Variants in NCALD observed in about 807,000 individuals in gnomAD.
NCALD encodes neurocalcin delta, also known as neurocalcin-delta.
In NCALD, 10 loss-of-function variants were observed where a neutral mutation model predicts 18.6. The observed-to-expected ratio is 0.54, with a 90% CI of 0.33 to 0.91. The LOEUF is 0.91. Ranked by LOEUF, NCALD falls within the 40% of genes least tolerant of loss-of-function variation. The probability of loss-of-function intolerance (pLI) is 0.03; values close to 1 mark genes in which losing one functional copy is unlikely to be tolerated. For synonymous variants in NCALD, 88 were observed against 87.4 expected, an observed-to-expected ratio of 1.01 and a Z score of -0.04; for missense variants, 184 against 247.6, an observed-to-expected ratio of 0.74 and a Z score of 1.72.
At chr8:101,735,102 G>A (rs1817016978) in intron 1 of NCALD, among the ~76,000 whole-genome samples, 2 of 152,060 alleles carry the variant, frequency 1.3e-5, no homozygotes, top group African/African-American at 2.4e-5. Context: ...TGGATGTTGG[G>A]GTGGAAAGCA....
chr8:101,806,247 C>G (rs181222963), intron 4 of NCALD, among the ~76,000 whole-genome samples: 39 of 152,052 alleles, frequency 2.6e-4, no homozygotes, highest in East Asian at 2.1e-3. Context: ...ATCAGAATCC[C>G]AAATTCCTAT....
intron 4 of NCALD, among the ~76,000 whole-genome samples, chr8:101,814,782 T>A (rs1411911187): frequency 6.6e-6 from 1 of 152,106 alleles, no homozygotes; most frequent in Non-Finnish European, 1.5e-5. Context: ...AGTTAATTAC[T>A]TTTTTATATA....
At chr8:101,910,303 A>T (rs543178623) in intron 3 of NCALD, among the ~76,000 whole-genome samples, 6 of 152,108 alleles carry the variant, frequency 3.9e-5, no homozygotes, top group Non-Finnish European at 8.8e-5. Flanking sequence ...GACTTGAGGA[A>T]ACAGTGTTTT....
chr8:101,957,373 C>T (rs77124244), intron 2 of NCALD, among the ~76,000 whole-genome samples: 2 of 148,372 alleles, frequency 1.3e-5, no homozygotes, highest in South Asian at 2.1e-4. Context: ...AGTTGCCCTC[C>T]GCAGCCAAAG....
chr8:101,949,099 T>A (rs1819289367), intron 2 of NCALD, among the ~76,000 whole-genome samples: 1 of 152,226 alleles, frequency 6.6e-6, no homozygotes, highest in African/African-American at 2.4e-5. Context: ...AACTGCTTAC[T>A]ACCTACCCAC....
intron 1 of NCALD, among the ~76,000 whole-genome samples, chr8:102,070,608 G>T (rs1824151247): frequency 6.6e-6 from 1 of 152,140 alleles, no homozygotes; most frequent in South Asian, 2.1e-4. Flanking sequence ...AGCTTGCAAA[G>T]AAACAATGGA....
intron 2 of NCALD, among the ~76,000 whole-genome samples, chr8:101,933,223 T>C (rs512433): frequency 0.21 from 32,651 of 152,090 alleles, 4,057 homozygotes; most frequent in African/African-American, 0.34. Flanking sequence ...AAAAGGGACA[T>C]TGCAGATGTG....
chr8:101,699,059 G>A (rs1451790195), intron 2 of NCALD, among the ~76,000 whole-genome samples: 1 of 131,504 alleles, frequency 7.6e-6, no homozygotes, highest in East Asian at 2.2e-4. Flanking sequence ...AATCTACAAG[G>A]AACTTAAACA....
intron 4 of NCALD, among the ~76,000 whole-genome samples, chr8:101,813,145 T>C (rs984325896): frequency 2.0e-5 from 3 of 152,014 alleles, no homozygotes; most frequent in Admixed American, 6.6e-5. Flanking sequence ...ATTTAATAAA[T>C]AATGAGTGAT....
intron 1 of NCALD, among the ~76,000 whole-genome samples, chr8:101,768,889 G>A (rs1486310192): frequency 6.6e-6 from 1 of 152,158 alleles, no homozygotes; most frequent in Non-Finnish European, 1.5e-5. Flanking sequence ...GCTTTGCAGG[G>A]AAAAAGGGAT....
At chr8:101,765,371 C>G (rs1226440672) in intron 1 of NCALD, among the ~76,000 whole-genome samples, 1 of 152,154 alleles carries the variant, frequency 6.6e-6, no homozygotes, top group African/African-American at 2.4e-5. Flanking sequence ...AGAGAGAATG[C>G]CTTGGGAAGG....
chr8:102,067,535 T>C (rs746343383), intron 1 of NCALD, among the ~76,000 whole-genome samples: 8 of 152,166 alleles, frequency 5.3e-5, no homozygotes, highest in Non-Finnish European at 1.0e-4. Context: ...GAGAATCTAG[T>C]AAAGCACCAG....
chr8:101,899,376 G>A (rs752341898), intron 3 of NCALD, among the ~76,000 whole-genome samples: 7 of 151,718 alleles, frequency 4.6e-5, no homozygotes, highest in Non-Finnish European at 8.8e-5. Context: ...TTTCTGATTT[G>A]TATGGATTTT....
intron 2 of NCALD, among the ~76,000 whole-genome samples, chr8:101,980,570 G>A (rs193028903): frequency 6.6e-6 from 1 of 152,272 alleles, no homozygotes; most frequent in East Asian, 1.9e-4. Flanking sequence ...CAAAAGGACT[G>A]GGGAAGAAAA....
chr8:101,918,116 T>C (rs1186935019), intron 2 of NCALD, among the ~76,000 whole-genome samples: 8 of 152,108 alleles, frequency 5.3e-5, no homozygotes, highest in South Asian at 2.1e-4. Context: ...CAACAGCACA[T>C]CAAAAAGTTA....
chr8:101,865,226 T>C (rs1815720649), intron 4 of NCALD, among the ~76,000 whole-genome samples: 1 of 152,236 alleles, frequency 6.6e-6, no homozygotes. Context: ...ATCATTATTC[T>C]CAATCAATTT....
At chr8:102,060,074 A>G (rs905726368) in intron 1 of NCALD, among the ~76,000 whole-genome samples, 4 of 152,096 alleles carry the variant, frequency 2.6e-5, no homozygotes, top group Admixed American at 1.3e-4. Flanking sequence ...TTCGCCTCCC[A>G]GGTTCAAGCG....
At chr8:101,723,589 T>C (rs1816454609) in intron 1 of NCALD, among the ~76,000 whole-genome samples, 2 of 152,054 alleles carry the variant, frequency 1.3e-5, no homozygotes, top group South Asian at 4.1e-4. Context: ...GACTAACCAA[T>C]AAAAAAAGGA....
chr8:101,831,755 C>G (rs934115244), intron 4 of NCALD, among the ~76,000 whole-genome samples: 2 of 152,050 alleles, frequency 1.3e-5, no homozygotes, highest in African/African-American at 2.4e-5. Flanking sequence ...AGATCAGAAC[C>G]ACCCTGTGCT....
Sources: allele counts gnomAD v4.1 joint callset (sites outside exome capture counted in the v4.1 genomes callset), GRCh38; gene constraint gnomAD v4.1.1; transcripts MANE v1.5; gene names NCBI Gene and HGNC (gene_info 2026-07-23, HGNC 2026-07-21).